The following SEMA6D variants were observed in gnomAD, a reference collection of about 807,000 sequenced individuals.
SEMA6D encodes semaphorin 6D, also known as semaphorin-6D.
SEMA6D carries 35 observed loss-of-function variants against 106.6 expected under a neutral mutation model. That is an observed-to-expected ratio of 0.33 (90% CI 0.25 to 0.44). The LOEUF is 0.44. Among genes scored for constraint, SEMA6D ranks in the 20% least tolerant of loss-of-function variants. The probability of loss-of-function intolerance (pLI) is 1.00; values close to 1 mark genes in which losing one functional copy is unlikely to be tolerated. For synonymous variants in SEMA6D, 499 were observed against 487.7 expected (o/e 1.02, Z -0.31); for missense variants, 1,185 against 1,345.9 (o/e 0.88, Z 1.87).
At chr15:47,531,491 A>T (rs1240346504) in intron 3 of SEMA6D, among the ~76,000 whole-genome samples, 2 of 152,248 alleles carry the variant, frequency 1.3e-5, no homozygotes, top group African/African-American at 2.4e-5. Flanking sequence ...ATGCTATTTT[A>T]AAAAAGCACT....
chr15:47,277,121 A>C (rs894913302), intron 1 of SEMA6D, among the ~76,000 whole-genome samples: 6 of 152,128 alleles, frequency 3.9e-5, no homozygotes, highest in African/African-American at 1.4e-4. Flanking sequence ...ACGTTAATGG[A>C]TGAGGAGTTG....
At chr15:47,499,628 A>C (rs929415635) in intron 3 of SEMA6D, among the ~76,000 whole-genome samples, 2 of 152,126 alleles carry the variant, frequency 1.3e-5, no homozygotes, top group African/African-American at 4.8e-5. Context: ...TTTAAGTCAC[A>C]TGTTATTTCT....
intron 3 of SEMA6D, among the ~76,000 whole-genome samples, chr15:47,489,436 C>T (rs546134484): frequency 1.3e-4 from 20 of 152,238 alleles, no homozygotes; most frequent in African/African-American, 4.3e-4. Flanking sequence ...AGATATTTGA[C>T]GAATGTCTAT....
intron 1 of SEMA6D, among the ~76,000 whole-genome samples, chr15:47,342,914 T>C (rs1001015999): frequency 3.9e-5 from 6 of 152,178 alleles, no homozygotes; most frequent in Admixed American, 2.6e-4. Context: ...GGTTTCACCA[T>C]GTTGGCCAAG....
chr15:47,486,892 C>A (rs1477613721), intron 3 of SEMA6D, among the ~76,000 whole-genome samples: 3 of 152,154 alleles, frequency 2.0e-5, no homozygotes, highest in Non-Finnish European at 4.4e-5. Flanking sequence ...CCCTGAGCAT[C>A]CTACAGTCAA....
In SEMA6D at chr15:47,537,989, G is replaced by A. The variant is rs1385479312; in HGVS notation, c.-86-62876G>A. Among the ~76,000 whole-genome samples the A allele has an allele frequency of 2.0e-5, 3 of 152,190 alleles. No homozygotes were observed. The South Asian group carries it at 6.2e-4, about 31-fold the overall frequency. On this transcript the variant is annotated intron_variant, in intron 3 of 19. Transcript: ENST00000558014. ...AGTAGACGTGGAAGTAAGTAACATGGCTGTGGGCACAGAACATGAGACTGG... is the reference window on the plus strand; with the variant it reads ...AGTAGACGTGGAAGTAAGTAACATGACTGTGGGCACAGAACATGAGACTGG...
rs537444248 is a variant in SEMA6D, at chr15:47,696,096, C to G, written c.-54-63649C>G. On this transcript the variant is annotated intron_variant, in intron 4 of 19. Transcript: ENST00000558014. ...AACAAAGGTCTTCTCTTCACTCACCCTTAACGCGCTTCCTTGACCTAAGTT... is the reference window on the plus strand; with the variant it reads ...AACAAAGGTCTTCTCTTCACTCACCGTTAACGCGCTTCCTTGACCTAAGTT... 3.9e-5 allele frequency among the ~76,000 whole-genome samples: 6 copies of G among 152,266 alleles called. 1 individual carries two copies. The South Asian group carries it at 1.2e-3, about 32-fold the overall frequency.
chr15:47,593,348 TG>T (rs2076474634), intron 3 of SEMA6D, among the ~76,000 whole-genome samples: 1 of 132,258 alleles, frequency 7.6e-6, no homozygotes, highest in Admixed American at 9.5e-5. Context: ...GAGCTTGCAG[TG>T]GAGCTGAGAT....
chr15:47,531,672 C>G (rs1013212627), intron 3 of SEMA6D, among the ~76,000 whole-genome samples: 1 of 152,182 alleles, frequency 6.6e-6, no homozygotes, highest in Non-Finnish European at 1.5e-5. Context: ...CAGTCTCCCC[C>G]CAGACTCATC....
At chr15:47,476,681 C>A (rs927580876) in intron 3 of SEMA6D, among the ~76,000 whole-genome samples, 1 of 152,102 alleles carries the variant, frequency 6.6e-6, no homozygotes, top group Non-Finnish European at 1.5e-5. Flanking sequence ...AGTGCTGACA[C>A]GCCCCAGGCA....
chr15:47,699,583 A>C (rs780068857), intron 4 of SEMA6D, among the ~76,000 whole-genome samples: 2 of 152,222 alleles, frequency 1.3e-5, no homozygotes, highest in Non-Finnish European at 1.5e-5. Context: ...CAACAGACAG[A>C]GGATAGTGGC....
intron 3 of SEMA6D, among the ~76,000 whole-genome samples, chr15:47,532,697 G>GCT (rs1411555954): frequency 6.6e-6 from 1 of 152,180 alleles, no homozygotes. Context: ...ATCCACAGTG[G>GCT]CTGGTAAAGA....
chr15:47,460,499 C>T (rs981640645), intron 2 of SEMA6D, among the ~76,000 whole-genome samples: 1 of 152,010 alleles, frequency 6.6e-6, no homozygotes, highest in African/African-American at 2.4e-5. Flanking sequence ...GAAGGGAAAT[C>T]ATATATCTGC....
At chr15:47,480,070 C>T (rs577056646) in intron 3 of SEMA6D, among the ~76,000 whole-genome samples, 8 of 151,354 alleles carry the variant, frequency 5.3e-5, no homozygotes, top group Admixed American at 2.0e-4. Flanking sequence ...GTTGCCTAGC[C>T]TAGTCTTGAA....
intron 18 of SEMA6D, 105 bp from the exon 19 acceptor site, chr15:47,770,392 C>A: frequency 3.3e-6 from 3 of 920,110 alleles, no homozygotes; most frequent in Non-Finnish European, 5.0e-6. Context: ...CCGAGCTAAG[C>A]ATATGAACCA....
intron 1 of SEMA6D, chr15:47,397,659 T>C (rs934875859): frequency 6.6e-6 from 1 of 152,210 alleles, no homozygotes; most frequent in Non-Finnish European, 1.5e-5. Context: ...TTAACCTGTT[T>C]TCCATGCTTT....
At position 47,765,821 on chromosome 15, in the gene SEMA6D, C is replaced by T. The variant is rs573534153; in HGVS notation, c.1428-48C>T. The T allele has an allele frequency of 3.4e-6, 5 of 1,452,784 alleles. No homozygotes were observed. The South Asian group carries it at 8.6e-5, about 25-fold the overall frequency. 90.0% of individuals were successfully genotyped at this position (1,452,784 alleles called of 1,614,324 possible). On this transcript the variant is annotated intron_variant, in intron 13 of 18. Coordinates refer to ENST00000536845, the MANE Select transcript of SEMA6D (RefSeq NM_001358351.3). ...TCTCAGTAATTGCTAAAGCAAACCA[C>T]ACTTGACTGACTAAACATATGGCTT...
chr15:47,262,437 A>T (rs1256007293), intron 1 of SEMA6D, among the ~76,000 whole-genome samples: 1 of 152,110 alleles, frequency 6.6e-6, no homozygotes, highest in African/African-American at 2.4e-5. Flanking sequence ...TTGAAGGCAT[A>T]TCTTCACAGG....
rs1259220877 is a variant in SEMA6D, at chr15:47,636,746, CT to C, written c.-55+35854del. On this transcript the variant is annotated intron_variant, in intron 4 of 19. Transcript: ENST00000558014. ...CCAAGGGAAGAAGGCAGTATATTGG[CT>C]TTTGTCCTGTGGCAACACTACTGTA... is the stretch of plus-strand genomic sequence containing the variant. 5.9e-5 allele frequency among the ~76,000 whole-genome samples: 9 copies of C among 152,312 alleles called. No homozygotes were observed. The South Asian group carries it at 1.0e-3, about 18-fold the overall frequency.
Sources: gnomAD v4.1 joint callset for allele counts (sites outside exome capture counted in the v4.1 genomes callset) on GRCh38, gnomAD v4.1.1 for gene constraint, MANE v1.5 for transcripts, NCBI Gene and HGNC (gene_info 2026-07-23, HGNC 2026-07-21) for gene names.